The following BCAP29 variants were observed in gnomAD, a reference collection of about 807,000 sequenced individuals.
BCAP29 encodes B-cell receptor-associated protein 29.
BCAP29 carries 34 observed loss-of-function variants against 31.8 expected under a neutral mutation model. The observed-to-expected ratio is 1.07, with a 90% CI of 0.81 to 1.42. The LOEUF (loss-of-function observed/expected upper bound fraction) is 1.42, where lower values mean the gene tolerates loss of function less well. Ranked by LOEUF, BCAP29 falls within the 40% of genes most tolerant of loss-of-function variation. BCAP29 has a pLI of 0.00. For missense variants in BCAP29, 314 were observed against 269.2 expected (o/e 1.17, Z -1.16); for synonymous variants, 104 against 91.3 (o/e 1.14, Z -0.79).
chr7:107,597,225 C>A (rs776217338), intron 5 of BCAP29, among the ~76,000 whole-genome samples: 15 of 152,064 alleles, frequency 9.9e-5, no homozygotes, highest in Non-Finnish European at 1.9e-4. Flanking sequence ...TGAAAACACC[C>A]CCTTTGTTTT....
intron 3 of BCAP29, among the ~76,000 whole-genome samples, chr7:107,590,442 A>G (rs776001689): frequency 9.2e-5 from 14 of 152,184 alleles, no homozygotes; most frequent in Non-Finnish European, 1.6e-4. Context: ...GGGTAATAAT[A>G]AGTCATGAAA....
At chr7:107,588,559 A>T (rs563176029) in intron 3 of BCAP29, among the ~76,000 whole-genome samples, 1 of 152,202 alleles carries the variant, frequency 6.6e-6, no homozygotes, top group South Asian at 2.1e-4. Flanking sequence ...GGCCTTGTAG[A>T]GCAACCAAAA....
At chr7:107,596,813 C>T (rs542097478) in intron 5 of BCAP29, among the ~76,000 whole-genome samples, 1 of 152,128 alleles carries the variant, frequency 6.6e-6, no homozygotes. Context: ...AAAAAAGCAC[C>T]TTCCTCAAAA....
intron 5 of BCAP29, chr7:107,600,122 A>G (rs1810889438): frequency 1.0e-5 from 4 of 401,076 alleles, no homozygotes; most frequent in South Asian, 9.3e-5. Context: ...TTATTTACCT[A>G]AATACTTTTG....
intron 3 of BCAP29, among the ~76,000 whole-genome samples, chr7:107,591,954 T>C (rs939951030): frequency 7.9e-5 from 12 of 152,052 alleles, no homozygotes; most frequent in Admixed American, 3.9e-4. Context: ...TTATTTTTTT[T>C]TTAATATTTA....
At chr7:107,582,292 A>G (rs1563123609) in intron 2 of BCAP29, among the ~76,000 whole-genome samples, 1 of 152,194 alleles carries the variant, frequency 6.6e-6, no homozygotes, top group Non-Finnish European at 1.5e-5. Flanking sequence ...TCAAGTAGCT[A>G]TTAGATAGAT....
intron 2 of BCAP29, 109 bp downstream of exon 2, chr7:107,580,973 C>A (rs1032427510): frequency 1.4e-5 from 10 of 692,242 alleles, no homozygotes; most frequent in South Asian, 2.2e-5. Context: ...AAAATAAACT[C>A]ACCTAACGAA....
chr7:107,609,877 AAT>A (rs1812819653), intron 6 of BCAP29, among the ~76,000 whole-genome samples: 2 of 152,218 alleles, frequency 1.3e-5, no homozygotes. Flanking sequence ...TTTCAAATAA[AAT>A]ATGTTTTCCT....
At chr7:107,590,833 A>AAAG (rs1554475021) in intron 3 of BCAP29, among the ~76,000 whole-genome samples, 23,707 of 137,464 alleles carry the variant, frequency 0.17, 2,482 homozygotes, top group Non-Finnish European at 0.24. Context: ...AAAAAAAAAA[A>AAAG]AAAGAAAGAA....
intron 3 of BCAP29, among the ~76,000 whole-genome samples, chr7:107,586,529 C>T (rs145735170): frequency 3.3e-5 from 5 of 152,192 alleles, no homozygotes; most frequent in Non-Finnish European, 7.4e-5. Context: ...CACCTACTTT[C>T]GTGTTTTAAG....
rs1248683130 is a variant in BCAP29, at chr7:107,618,622, T to A, written c.*259T>A. 6.6e-7 allele frequency: 1 copy of A among 1,507,354 alleles called. No homozygotes were observed. Among genetic ancestry groups the A allele is most frequent in the Non-Finnish European group, 8.9e-7 (1 of 1,118,964 alleles). 93.4% of individuals were successfully genotyped at this position (1,507,354 alleles called of 1,614,324 possible). ...ACATATTGATAATGTCATTGGTATA[T>A]GGTGGCTGTTTACCAATAAAAGGAA... On this transcript the variant is annotated 3_prime_UTR_variant, in exon 8 of 8. Coordinates refer to ENST00000005259, the MANE Select transcript of BCAP29 (RefSeq NM_018844.4).
intron 7 of BCAP29, chr7:107,615,627 A>G (rs1248907050): frequency 4.2e-6 from 1 of 240,708 alleles, no homozygotes; most frequent in Non-Finnish European, 8.5e-6. Context: ...TTCCCAAGAA[A>G]ATAGTTGTTA....
chr7:107,590,732 T>A (rs1808561497), intron 3 of BCAP29, among the ~76,000 whole-genome samples: 2 of 150,384 alleles, frequency 1.3e-5, no homozygotes, highest in Admixed American at 1.3e-4. Flanking sequence ...GGTGGGAGAG[T>A]TGCTTGAGCC....
At chr7:107,611,421 G>T (rs1351677188) in intron 6 of BCAP29, among the ~76,000 whole-genome samples, 1 of 152,036 alleles carries the variant, frequency 6.6e-6, no homozygotes, top group Non-Finnish European at 1.5e-5. Flanking sequence ...TTAAAAATTG[G>T]CTGGGGTGGT....
chr7:107,585,797 C>G (rs1004046967), intron 3 of BCAP29, among the ~76,000 whole-genome samples: 1 of 152,160 alleles, frequency 6.6e-6, no homozygotes, highest in African/African-American at 2.4e-5. Context: ...TCCAGACCAG[C>G]TTGGCCAACG....
In BCAP29 at chr7:107,598,955, G is replaced by T. The variant is rs985364949; in HGVS notation, c.481-1442G>T. 2.1e-5 allele frequency among the ~76,000 whole-genome samples: 3 copies of T among 142,104 alleles called. No individual in the cohort carries two copies. The Admixed American group carries it at 2.2e-4, about 10-fold the overall frequency. The allele number at this position is 142,104 out of a possible 152,430, so 93.2% of individuals were successfully genotyped here. ...CACGCACGCACATATATGTGCACAC[G>T]TGTATATATAAATTTATATATCTAT... On this transcript the variant is annotated intron_variant, in intron 5 of 7. Coordinates refer to ENST00000005259, the MANE Select transcript of BCAP29 (RefSeq NM_018844.4).
At chr7:107,601,814 C>T (rs1811232773) in intron 6 of BCAP29, among the ~76,000 whole-genome samples, 1 of 152,064 alleles carries the variant, frequency 6.6e-6, no homozygotes. Context: ...ATCCTGCTTT[C>T]TTTTTTCTGT....
chr7:107,580,878 A>G lies in BCAP29; in HGVS notation c.92+14A>G. The G allele has an allele frequency of 6.4e-7, 1 of 1,552,114 alleles. No individual in the cohort carries two copies. Among genetic ancestry groups the G allele is most frequent in the Non-Finnish European group, 8.7e-7 (1 of 1,146,442 alleles). ...TCCTCCTCAGAGGTAGGAAACCTTC[A>G]AATCGTTAACTAATAAATATTGGAT... On this transcript the variant is annotated intron_variant, in intron 2 of 7. Transcript: ENST00000005259.
At chr7:107,602,877 A>G (rs1811401798) in intron 6 of BCAP29, among the ~76,000 whole-genome samples, 1 of 152,116 alleles carries the variant, frequency 6.6e-6, no homozygotes, top group African/African-American at 2.4e-5. Context: ...ATTTAGTGGA[A>G]AAACCTTCTG....
Sources: allele counts gnomAD v4.1 joint callset (sites outside exome capture counted in the v4.1 genomes callset), GRCh38; gene constraint gnomAD v4.1.1; transcripts MANE v1.5; gene names NCBI Gene and HGNC (gene_info 2026-07-23, HGNC 2026-07-21).